The following TLN2 variants were observed in gnomAD, a reference collection of about 807,000 sequenced individuals.
The protein encoded by TLN2 is talin 2, also known as talin-2.
A neutral mutation model predicts 294.7 loss-of-function variants in TLN2; 118 were observed. The observed-to-expected ratio is 0.40, with a 90% CI of 0.34 to 0.47. The LOEUF (loss-of-function observed/expected upper bound fraction) is 0.47, where lower values mean the gene tolerates loss of function less well. Among genes scored for constraint, TLN2 ranks in the 20% least tolerant of loss-of-function variants. TLN2 has a pLI of 0.84. For missense variants in TLN2, 3,083 were observed against 3,282.2 expected (o/e 0.94, Z 1.48); for synonymous variants, 1,431 against 1,304.5 (o/e 1.10, Z -2.09).
intron 1 of TLN2, among the ~76,000 whole-genome samples, chr15:62,412,103 G>C (rs939736167): frequency 2.0e-5 from 3 of 149,104 alleles, no homozygotes; most frequent in Non-Finnish European, 4.5e-5. Context: ...ATTTAAAATC[G>C]GTCTGTGGAC....
intron 1 of TLN2, among the ~76,000 whole-genome samples, chr15:62,441,769 CA>C (rs1468327631): frequency 6.6e-6 from 1 of 152,144 alleles, no homozygotes; most frequent in Non-Finnish European, 1.5e-5. Flanking sequence ...CAGCAATGGC[CA>C]ATGATGTGAT....
intron 24 of TLN2, among the ~76,000 whole-genome samples, chr15:62,718,648 G>A (rs1595774811): frequency 6.6e-6 from 1 of 152,178 alleles, no homozygotes; most frequent in African/African-American, 2.4e-5. Flanking sequence ...GTGTCCTTCG[G>A]TCCTGTGTGG....
chr15:62,559,643 C>G (rs2042803477), intron 1 of TLN2, among the ~76,000 whole-genome samples: 1 of 152,138 alleles, frequency 6.6e-6, no homozygotes, highest in South Asian at 2.1e-4. Flanking sequence ...ATACTGAGTG[C>G]TTATTTTAGG....
rs535198507 is a variant in TLN2, at chr15:62,674,223, A to G, written c.852+333A>G. 2.6e-5 allele frequency among the ~76,000 whole-genome samples: 4 copies of G among 152,276 alleles called. No individual in the cohort carries two copies. The South Asian group carries it at 8.3e-4, about 32-fold the overall frequency. ...CTACAAGTAGCCTCTTTGTCCTGAG[A>G]TTTGTTTTTTGAAAGTGGAATTTGG... On this transcript the variant is annotated intron_variant, in intron 10 of 58. Coordinates refer to ENST00000636159, the MANE Select transcript of TLN2 (RefSeq NM_015059.3).
chr15:62,700,907 A>T (rs2058677330), intron 16 of TLN2, among the ~76,000 whole-genome samples, 199 bp from the exon 17 acceptor site: 1 of 152,188 alleles, frequency 6.6e-6, no homozygotes, highest in African/African-American at 2.4e-5. Context: ...ACAAGGGAGA[A>T]TTTGCACGCC....
At chr15:62,783,700 A>G (rs1020038611) in intron 44 of TLN2, 71 bp from the exon 45 acceptor site, 6 of 1,489,074 alleles carry the variant, frequency 4.0e-6, no homozygotes, top group Admixed American at 2.3e-5. Flanking sequence ...ATATTAACAC[A>G]TGGTTCTCAT....
At chr15:62,746,977 G>A (rs764299267) in intron 32 of TLN2, among the ~76,000 whole-genome samples, 13 of 152,198 alleles carry the variant, frequency 8.5e-5, no homozygotes, top group South Asian at 2.1e-4. Flanking sequence ...GCGTGGTATC[G>A]ACAAAACATT....
chr15:62,806,838 C>T (rs750821435), intron 51 of TLN2, among the ~76,000 whole-genome samples: 1 of 152,094 alleles, frequency 6.6e-6, no homozygotes, highest in Non-Finnish European at 1.5e-5. Context: ...GCTCCTACAG[C>T]GTGGGGTCTC....
chr15:62,637,842 T>G (rs1391268618), intron 3 of TLN2: 1 of 152,288 alleles, frequency 6.6e-6, no homozygotes, highest in Non-Finnish European at 1.5e-5. Context: ...AGCCGGATGC[T>G]GGGCTGACGG....
chr15:62,576,099 T>C (rs925153544), intron 1 of TLN2, among the ~76,000 whole-genome samples: 1 of 152,118 alleles, frequency 6.6e-6, no homozygotes, highest in Non-Finnish European at 1.5e-5. Flanking sequence ...GTGATTGTCT[T>C]ACTAGAACAT....
At chr15:62,684,702 A>ACAGTCAGCTTT (rs1457248272) in intron 11 of TLN2, among the ~76,000 whole-genome samples, 1 of 151,990 alleles carries the variant, frequency 6.6e-6, no homozygotes, top group Non-Finnish European at 1.5e-5. Flanking sequence ...ACTGCAGTAG[A>ACAGTCAGCTTT]CAGTCAGCTT....
At chr15:62,783,356 C>T (rs183643362) in intron 44 of TLN2, among the ~76,000 whole-genome samples, 19 of 152,320 alleles carry the variant, frequency 1.2e-4, no homozygotes, top group Non-Finnish European at 2.1e-4. Context: ...GGGTGAAAAT[C>T]GCATAGGGCT....
intron 45 of TLN2, among the ~76,000 whole-genome samples, chr15:62,791,008 A>G (rs944722122): frequency 6.6e-6 from 1 of 152,182 alleles, no homozygotes; most frequent in Non-Finnish European, 1.5e-5. Flanking sequence ...ACGAAGGTGT[A>G]TAGAAGTGTA....
At chr15:62,609,013 C>T (rs1438855884) in intron 2 of TLN2, among the ~76,000 whole-genome samples, 4 of 151,866 alleles carry the variant, frequency 2.6e-5, no homozygotes, top group South Asian at 2.1e-4. Flanking sequence ...GCATAGAGGC[C>T]GGGCACTAGC....
At chr15:62,725,463 C>T (rs372257722) in intron 27 of TLN2, among the ~76,000 whole-genome samples, 20 of 152,212 alleles carry the variant, frequency 1.3e-4, no homozygotes, top group South Asian at 8.3e-4. Flanking sequence ...GGATGGACAA[C>T]GGCAAAGTGC....
intron 1 of TLN2, among the ~76,000 whole-genome samples, chr15:62,443,627 G>T (rs1285230240): frequency 1.3e-5 from 2 of 152,170 alleles, no homozygotes; most frequent in African/African-American, 2.4e-5. Context: ...TGAGAGTAGG[G>T]TATGGACATT....
At chr15:62,696,649 A>T (rs1052810876) in intron 14 of TLN2, among the ~76,000 whole-genome samples, 1 of 152,228 alleles carries the variant, frequency 6.6e-6, no homozygotes, top group African/African-American at 2.4e-5. Flanking sequence ...CAGAGGTTGC[A>T]GTGAGCCGAG....
At position 62,654,366 on chromosome 15, in the gene TLN2, A is replaced by G. The variant is rs55850233; in HGVS notation, c.517+1052A>G. On this transcript the variant is annotated intron_variant, in intron 7 of 58. Transcript: ENST00000636159. Reference sequence around the variant, plus strand: ...TTCTTCAGTGGTGATGTGCACTTCCATCAGGAAGTGTTTCTGGTTTTCTTT... The same window carrying G: ...TTCTTCAGTGGTGATGTGCACTTCCGTCAGGAAGTGTTTCTGGTTTTCTTT... Among the ~76,000 whole-genome samples the G allele has an allele frequency of 7.9e-3, 1,201 of 152,258 alleles. 9 individuals are homozygous for G. The highest frequency in any genetic ancestry group is 0.013 in the Non-Finnish European group (854 of 68,018).
chr15:62,796,338 C>G (rs1014569768), intron 47 of TLN2, 45 bp downstream of exon 47: 2 of 1,563,214 alleles, frequency 1.3e-6, no homozygotes, highest in Non-Finnish European at 1.7e-6. Context: ...CTGGCCTGCC[C>G]CTGAAACTCA....
Sources: allele counts gnomAD v4.1 joint callset (sites outside exome capture counted in the v4.1 genomes callset), GRCh38; gene constraint gnomAD v4.1.1; transcripts MANE v1.5; gene names NCBI Gene and HGNC (gene_info 2026-07-23, HGNC 2026-07-21).